The following NALCN variants were observed in gnomAD, a reference collection of about 807,000 sequenced individuals.
NALCN encodes the protein sodium leak channel, non-selective.
Under a neutral mutation model 225.3 loss-of-function variants are expected in NALCN, and 111 were observed. The observed-to-expected ratio is 0.49, with a 90% CI of 0.42 to 0.58. The LOEUF (loss-of-function observed/expected upper bound fraction) is 0.58. NALCN is among the 20% of genes least tolerant of loss of function. The pLI is 0.00. For synonymous variants in NALCN, 764 were observed against 769.0 expected, an observed-to-expected ratio of 0.99 and a Z score of 0.11; for missense variants, 1,378 against 2,202.4, an observed-to-expected ratio of 0.63 and a Z score of 7.49.
chr13:101,323,540 G>A (rs1471008193), intron 7 of NALCN, among the ~76,000 whole-genome samples: 2 of 152,006 alleles, frequency 1.3e-5, no homozygotes, highest in Non-Finnish European at 2.9e-5. Flanking sequence ...TATTTCCTCA[G>A]TGCATGATTA....
intron 13 of NALCN, among the ~76,000 whole-genome samples, chr13:101,203,328 G>A (rs2040197676): frequency 6.6e-6 from 1 of 152,140 alleles, no homozygotes; most frequent in South Asian, 2.1e-4. Context: ...CGATTCTCCT[G>A]CCTCAGTCTC....
intron 30 of NALCN, among the ~76,000 whole-genome samples, chr13:101,086,870 G>C (rs1315160796): frequency 1.3e-5 from 2 of 151,894 alleles, no homozygotes; most frequent in African/African-American, 4.8e-5. Context: ...GTTTAAAATT[G>C]TTCTTTTCTG....
At chr13:101,331,244 A>G (rs2139235120) in intron 7 of NALCN, among the ~76,000 whole-genome samples, 1 of 152,346 alleles carries the variant, frequency 6.6e-6, no homozygotes. Context: ...TGGAAGCATT[A>G]GAAACAAATT....
chr13:101,261,239 A>G (rs1040538583), intron 10 of NALCN, among the ~76,000 whole-genome samples: 1 of 152,174 alleles, frequency 6.6e-6, no homozygotes, highest in Non-Finnish European at 1.5e-5. Context: ...TTTTTATGGC[A>G]GTACCACGGC....
intron 34 of NALCN, among the ~76,000 whole-genome samples, chr13:101,076,660 C>T (rs1280633484): frequency 6.6e-6 from 1 of 152,214 alleles, no homozygotes; most frequent in Non-Finnish European, 1.5e-5. Flanking sequence ...GGTCCAAGCA[C>T]ATGAATGTGT....
At position 101,062,393 on chromosome 13, in the gene NALCN, A is replaced by G. The variant is rs9585609; in HGVS notation, c.4605-275T>C. On this transcript the variant is annotated intron_variant, in intron 40 of 43. Transcript: ENST00000251127. ...TGAGGCTCTTATAGTAGTAAGTGCC[A>G]TCTAAGTGCCTGTAAAGCAAAAGAT... 0.08 allele frequency among the ~76,000 whole-genome samples: 12,187 copies of G among 152,190 alleles called. 576 individuals carry two copies. Among genetic ancestry groups the G allele is most frequent in the African/African-American group, 0.13 (5,288 of 41,508 alleles).
At chr13:101,100,663 C>T (rs2034757701) in intron 27 of NALCN, 121 bp downstream of exon 27, 1 of 585,322 alleles carries the variant, frequency 1.7e-6, no homozygotes, top group Non-Finnish European at 2.5e-6. Context: ...TCACTGCAAC[C>T]TTGACCTCCA....
chr13:101,268,826 A>G (rs1483697466), intron 10 of NALCN, among the ~76,000 whole-genome samples: 1 of 152,224 alleles, frequency 6.6e-6, no homozygotes, highest in African/African-American at 2.4e-5. Flanking sequence ...GACAACATGT[A>G]TTTCCTAGAG....
intron 18 of NALCN, among the ~76,000 whole-genome samples, chr13:101,114,559 A>G (rs76024565): frequency 0.014 from 2,192 of 152,082 alleles, 59 homozygotes; most frequent in African/African-American, 0.05. Context: ...AGCAAACCGG[A>G]TGGAACTGAG....
rs142395613 is a variant in NALCN at position 101,123,442 on chromosome 13, G to A, written c.2192+1166C>T. Among the ~76,000 whole-genome samples the A allele has an allele frequency of 8.3e-4, 127 of 152,326 alleles. 2 individuals are homozygous for A. The East Asian group carries it at 0.022, about 27-fold the overall frequency. The stretch of plus-strand genomic sequence containing the variant: ...TCCTGATGTAACATGTGTGGTTCAA[G>A]GCCAGCCTCACTGCATGATCTGATG... On this transcript the variant is annotated intron_variant, in intron 18 of 43. Transcript: ENST00000251127.
chr13:101,334,967 T>G (rs911557013), intron 7 of NALCN, among the ~76,000 whole-genome samples: 3 of 152,204 alleles, frequency 2.0e-5, no homozygotes, highest in Non-Finnish European at 4.4e-5. Flanking sequence ...ATCTCTTACA[T>G]TATTTGAAGT....
upstream of NALCN, among the ~76,000 whole-genome samples, chr13:101,416,974 T>C (rs2139581086): frequency 6.6e-6 from 1 of 152,270 alleles, no homozygotes; most frequent in Non-Finnish European, 1.5e-5. Flanking sequence ...CCCGGAGTTA[T>C]TAAATAATGA....
intron 3 of NALCN, among the ~76,000 whole-genome samples, chr13:101,379,165 A>T (rs146989874): frequency 6.0e-4 from 91 of 152,370 alleles, no homozygotes; most frequent in African/African-American, 2.1e-3. Context: ...AACCACAATG[A>T]GATACCATCT....
At chr13:101,378,690 C>A in intron 3 of NALCN, 37 bp from the exon 4 acceptor site, 1 of 1,528,162 alleles carries the variant, frequency 6.5e-7, no homozygotes, top group Non-Finnish European at 9.0e-7. Context: ...TTAGGCAAAG[C>A]AAATATTTTA....
chr13:101,414,681 T>G (rs1228939696), intron 1 of NALCN, among the ~76,000 whole-genome samples: 2 of 152,180 alleles, frequency 1.3e-5, no homozygotes. Flanking sequence ...TTTAAGTACA[T>G]TTTTTAAGTA....
At chr13:101,124,247 T>A (rs991894315) in intron 18 of NALCN, among the ~76,000 whole-genome samples, 4 of 152,224 alleles carry the variant, frequency 2.6e-5, no homozygotes, top group African/African-American at 9.6e-5. Context: ...TGAACTATAA[T>A]GAAAAAGTTT....
intron 22 of NALCN, among the ~76,000 whole-genome samples, chr13:101,106,092 G>A (rs1175313223): frequency 6.6e-6 from 1 of 152,176 alleles, no homozygotes; most frequent in Admixed American, 6.5e-5. Flanking sequence ...AGGGCTGTGA[G>A]GGAAAACCCT....
chr13:101,127,979 T>C (rs567240527), intron 17 of NALCN, among the ~76,000 whole-genome samples: 11 of 152,292 alleles, frequency 7.2e-5, no homozygotes, highest in Admixed American at 4.6e-4. Flanking sequence ...GACAATCACC[T>C]GAAATAATTA....
chr13:101,356,806 C>T (rs969861579), intron 6 of NALCN, among the ~76,000 whole-genome samples: 3 of 152,090 alleles, frequency 2.0e-5, no homozygotes, highest in African/African-American at 2.4e-5. Context: ...ACTGGCAAAC[C>T]GAATCCAACA....
Sources: gnomAD v4.1 joint callset for allele counts (sites outside exome capture counted in the v4.1 genomes callset) on GRCh38, gnomAD v4.1.1 for gene constraint, MANE v1.5 for transcripts, NCBI Gene and HGNC (gene_info 2026-07-23, HGNC 2026-07-21) for gene names.